The following NCK1 variants were observed in gnomAD, a reference collection of about 807,000 sequenced individuals.
The protein encoded by NCK1 is NCK adaptor protein 1, also known as SH2/SH3 adapter protein NCK1.
A neutral mutation model predicts 36.6 loss-of-function variants in NCK1; 19 were observed. The observed-to-expected ratio is 0.52, with a 90% CI of 0.36 to 0.76. The LOEUF (loss-of-function observed/expected upper bound fraction) is 0.76, where lower values mean the gene tolerates loss of function less well. Ranked by LOEUF, NCK1 falls within the 30% of genes least tolerant of loss-of-function variation. The probability of loss-of-function intolerance (pLI) is 0.00; values close to 1 mark genes in which losing one functional copy is unlikely to be tolerated. For missense variants in NCK1, 358 were observed against 445.6 expected (o/e 0.80, Z 1.77); for synonymous variants, 165 against 156.0 (o/e 1.06, Z -0.43).
At chr3:136,930,341 C>A in intron 2 of NCK1, 1 of 670,794 alleles carries the variant, frequency 1.5e-6, no homozygotes, top group Non-Finnish European at 2.1e-6. Context: ...ATATTTTTGG[C>A]CATGATTATT....
intron 1 of NCK1, among the ~76,000 whole-genome samples, chr3:136,867,171 TCC>T (rs1938467169): frequency 3.6e-5 from 2 of 55,982 alleles, no homozygotes; most frequent in African/African-American, 7.5e-5. Flanking sequence ...CTTCCTTCCT[TCC>T]TTCCTTCTTT....
At chr3:136,880,864 C>T (rs1938913143) in intron 1 of NCK1, among the ~76,000 whole-genome samples, 1 of 152,120 alleles carries the variant, frequency 6.6e-6, no homozygotes, top group African/African-American at 2.4e-5. Context: ...CCACCTCAGC[C>T]TCCCAAAGTG....
At position 136,862,212 on chromosome 3, in the gene NCK1, C is replaced by G. The variant is rs1938235980; in HGVS notation, c.-160C>G. ...CCCGCGCGGATCCGCCTGCCCACCG[C>G]GCGTGCCCCGCCTCTCTCCCAAGAG... On this transcript the variant is annotated 5_prime_UTR_variant, in exon 1 of 4. Transcript: ENST00000481752. 1 of 152,396 alleles carries G rather than the reference C, an allele frequency of 6.6e-6. No homozygotes were observed. The highest frequency in any genetic ancestry group is 2.1e-4 in the South Asian group (1 of 4,836). The allele number at this position is 152,396 out of a possible 1,614,324, so 9.4% of individuals were successfully genotyped here. A position where few individuals can be genotyped will look rare whatever the true frequency, so the allele number is the denominator to read the frequency against.
intron 1 of NCK1, among the ~76,000 whole-genome samples, chr3:136,905,912 A>G (rs1040954596): frequency 5.3e-5 from 8 of 152,140 alleles, no homozygotes; most frequent in Non-Finnish European, 8.8e-5. Context: ...AGTCTGAGCT[A>G]CTGCACCTGG....
chr3:136,942,141 C>A (rs1028088051), intron 2 of NCK1, among the ~76,000 whole-genome samples: 1 of 152,166 alleles, frequency 6.6e-6, no homozygotes, highest in Admixed American at 6.5e-5. Flanking sequence ...CCCAGCCTCT[C>A]TTTAGCATTT....
intron 1 of NCK1, among the ~76,000 whole-genome samples, chr3:136,921,205 G>T (rs1940099084): frequency 6.6e-6 from 1 of 152,184 alleles, no homozygotes; most frequent in Non-Finnish European, 1.5e-5. Context: ...CCATTAAACA[G>T]TAACTCCCCT....
chr3:136,942,143 TTA>T (rs1940695416), intron 2 of NCK1, among the ~76,000 whole-genome samples: 1 of 152,220 alleles, frequency 6.6e-6, no homozygotes, highest in South Asian at 2.1e-4. Context: ...CAGCCTCTCT[TTA>T]GCATTTCTTA....
intron 1 of NCK1, among the ~76,000 whole-genome samples, chr3:136,904,812 A>G (rs1560042208): frequency 6.8e-6 from 1 of 147,672 alleles, no homozygotes; most frequent in African/African-American, 2.5e-5. Context: ...ATGGTGTTCC[A>G]TATGTCACAC....
intron 1 of NCK1, among the ~76,000 whole-genome samples, chr3:136,889,711 T>A (rs905554847): frequency 6.6e-6 from 1 of 152,072 alleles, no homozygotes; most frequent in Non-Finnish European, 1.5e-5. Context: ...CCAGATTAGC[T>A]AGATACAGAA....
At chr3:136,878,838 T>A (rs955613824) in intron 1 of NCK1, among the ~76,000 whole-genome samples, 7 of 152,198 alleles carry the variant, frequency 4.6e-5, no homozygotes, top group Middle Eastern at 3.4e-3. Flanking sequence ...CTAGACACAA[T>A]TGGAGGTCAA....
intron 1 of NCK1, among the ~76,000 whole-genome samples, chr3:136,866,598 T>G (rs1332796032): frequency 6.6e-6 from 1 of 151,792 alleles, no homozygotes; most frequent in Admixed American, 6.6e-5. Context: ...TGAGCCACTG[T>G]GCCTGGCCTC....
intron 1 of NCK1, among the ~76,000 whole-genome samples, chr3:136,907,020 T>G (rs1389977834): frequency 6.6e-6 from 1 of 152,060 alleles, no homozygotes; most frequent in Non-Finnish European, 1.5e-5. Flanking sequence ...ATCAGAATGC[T>G]CTGGTGGCAA....
At chr3:136,927,652 G>T (rs1576982865) in intron 1 of NCK1, among the ~76,000 whole-genome samples, 1 of 152,138 alleles carries the variant, frequency 6.6e-6, no homozygotes, top group South Asian at 2.1e-4. Flanking sequence ...CTCCTGAGTA[G>T]CTGGGACTAC....
intron 1 of NCK1, among the ~76,000 whole-genome samples, chr3:136,907,634 C>T (rs1228470151): frequency 6.6e-6 from 1 of 152,204 alleles, no homozygotes; most frequent in African/African-American, 2.4e-5. Context: ...CGTCACCACC[C>T]TGCTGAATTC....
chr3:136,878,681 A>T (rs553552598), intron 1 of NCK1, among the ~76,000 whole-genome samples: 1 of 143,688 alleles, frequency 7.0e-6, no homozygotes, highest in African/African-American at 2.6e-5. Context: ...GAGTTTTATG[A>T]TAATCTGAGT....
chr3:136,912,162 C>CTTTTTTT (rs57596314), intron 1 of NCK1, among the ~76,000 whole-genome samples: 1 of 128,164 alleles, frequency 7.8e-6, no homozygotes, highest in African/African-American at 3.2e-5. Flanking sequence ...ATTATTTTTT[C>CTTTTTTT]TTTTTTTTTT....
chr3:136,923,490 G>C (rs1332401017), intron 1 of NCK1, among the ~76,000 whole-genome samples: 2 of 152,074 alleles, frequency 1.3e-5, no homozygotes, highest in Non-Finnish European at 2.9e-5. Flanking sequence ...GGGAGGCGGA[G>C]GTTGCAGTGA....
In NCK1 at chr3:136,949,276, T is replaced by A. The variant is rs940210385; in HGVS notation, c.*823T>A. On this transcript the variant is annotated 3_prime_UTR_variant, in exon 4 of 4. Coordinates refer to ENST00000481752, the MANE Select transcript of NCK1 (RefSeq NM_001291999.2). Reference sequence around the variant, plus strand: ...CTAGAGCATCTTGTATTAGGACATGTTATATTTATGCCAGTGGGAAATAAG... The same window carrying A: ...CTAGAGCATCTTGTATTAGGACATGATATATTTATGCCAGTGGGAAATAAG... 3 of 152,006 alleles carry A rather than the reference T, an allele frequency of 2.0e-5. No individual in the cohort carries two copies. In the South Asian group the frequency reaches 6.2e-4, roughly 31 times the overall value. The allele number at this position is 152,006 out of a possible 1,614,324, so 9.4% of individuals were successfully genotyped here. A position where few individuals can be genotyped will look rare whatever the true frequency, so the allele number is the denominator to read the frequency against.
intron 1 of NCK1, among the ~76,000 whole-genome samples, chr3:136,912,492 C>CTTT (rs75755018): frequency 1.2e-4 from 17 of 145,656 alleles, no homozygotes; most frequent in African/African-American, 4.3e-4. Context: ...TTTCTTCAGT[C>CTTT]TTTTTTTTTT....
Sources: allele counts gnomAD v4.1 joint callset (sites outside exome capture counted in the v4.1 genomes callset), GRCh38; gene constraint gnomAD v4.1.1; transcripts MANE v1.5; gene names NCBI Gene and HGNC (gene_info 2026-07-23, HGNC 2026-07-21).